The following SV2C variants were observed in gnomAD, a reference collection of about 807,000 sequenced individuals.
SV2C encodes synaptic vesicle glycoprotein 2C.
A neutral mutation model predicts 79.7 loss-of-function variants in SV2C; 49 were observed. The observed-to-expected ratio is 0.61, with a 90% CI of 0.49 to 0.78. SV2C has a LOEUF of 0.78. SV2C is among the 30% of genes least tolerant of loss of function. The pLI, the probability that SV2C is intolerant of heterozygous loss-of-function variation, is 0.00. For missense variants in SV2C, 833 were observed against 912.9 expected (o/e 0.91, Z 1.13); for synonymous variants, 334 against 333.2 (o/e 1.00, Z -0.03).
chr5:76,104,796 A>G (rs558785489), intron 1 of SV2C, among the ~76,000 whole-genome samples: 4 of 152,264 alleles, frequency 2.6e-5, no homozygotes, highest in African/African-American at 9.6e-5. Flanking sequence ...TGGAGGAGGA[A>G]GAAGGGACCT....
the SV2C span, among the ~76,000 whole-genome samples, chr5:75,969,906 T>A: frequency 1.3e-5 from 2 of 152,098 alleles, no homozygotes; most frequent in African/African-American, 4.8e-5. Flanking sequence ...ATTCCAAAAT[T>A]GACCACATAG....
At chr5:76,269,484 A>T (rs776394151) in intron 4 of SV2C, among the ~76,000 whole-genome samples, 3 of 152,182 alleles carry the variant, frequency 2.0e-5, no homozygotes, top group Non-Finnish European at 4.4e-5. Flanking sequence ...ACGAAACAGG[A>T]TGCGTGTGAG....
At chr5:75,868,877 G>C in the SV2C span, among the ~76,000 whole-genome samples, 1 of 152,118 alleles carries the variant, frequency 6.6e-6, no homozygotes, top group Non-Finnish European at 1.5e-5. Flanking sequence ...GCTTTCCCTG[G>C]TTCCCTGACA....
chr5:75,933,748 T>G, the SV2C span, among the ~76,000 whole-genome samples: 2 of 152,226 alleles, frequency 1.3e-5, no homozygotes, highest in Non-Finnish European at 2.9e-5. Context: ...TAATTACCCC[T>G]TTCTTCTATA....
At chr5:75,911,050 T>C in the SV2C span, 1 of 1,177,436 alleles carries the variant, frequency 8.5e-7, no homozygotes, top group Non-Finnish European at 1.3e-6. Flanking sequence ...AGAGTGAATC[T>C]GTCGCAACAA....
At chr5:76,014,802 T>C in the SV2C span, among the ~76,000 whole-genome samples, 2 of 152,230 alleles carry the variant, frequency 1.3e-5, no homozygotes, top group African/African-American at 4.8e-5. Flanking sequence ...TCCAAAGTCA[T>C]TGATTATTTC....
At chr5:75,907,014 C>T in the SV2C span, among the ~76,000 whole-genome samples, 1 of 152,214 alleles carries the variant, frequency 6.6e-6, no homozygotes, top group African/African-American at 2.4e-5. Context: ...GAACATCTCT[C>T]CTGAAAGTGC....
intron 12 of SV2C, among the ~76,000 whole-genome samples, chr5:76,311,833 G>T (rs1366612430): frequency 1.3e-5 from 2 of 152,134 alleles, no homozygotes; most frequent in Admixed American, 1.3e-4. Flanking sequence ...CCTGCCACCA[G>T]CAAAATTACT....
chr5:75,959,457 G>A, the SV2C span, among the ~76,000 whole-genome samples: 1 of 151,914 alleles, frequency 6.6e-6, no homozygotes, highest in East Asian at 1.9e-4. Flanking sequence ...TGCAGTTCTT[G>A]TCTCTCTTTA....
In SV2C at chr5:76,321,914, A is replaced by G. The variant is rs17651781; in HGVS notation, c.2001-3450A>G. ...GGAACAAGATCTTCCTAGGCCCACA[A>G]TTGATTCTCTTCTGTCATATTTTCT... On this transcript the variant is annotated intron_variant, in intron 12 of 12. Coordinates refer to ENST00000502798, the MANE Select transcript of SV2C (RefSeq NM_014979.4). Among the ~76,000 whole-genome samples the G allele has an allele frequency of 3.0e-3, 461 of 152,232 alleles. 1 individual carries two copies. The highest frequency in any genetic ancestry group is 8.4e-3 in the African/African-American group (349 of 41,554).
At chr5:76,287,977 C>T (rs771280921) in intron 6 of SV2C, among the ~76,000 whole-genome samples, 8 of 150,814 alleles carry the variant, frequency 5.3e-5, no homozygotes, top group African/African-American at 1.7e-4. Context: ...CCCAGCTACT[C>T]GGGAAGCTGA....
chr5:76,224,440 A>T (rs1450879830), intron 4 of SV2C, among the ~76,000 whole-genome samples: 1 of 152,154 alleles, frequency 6.6e-6, no homozygotes, highest in East Asian at 1.9e-4. Flanking sequence ...ACCTAATTAG[A>T]TCCTTTATCA....
intron 4 of SV2C, among the ~76,000 whole-genome samples, chr5:76,272,641 G>T (rs779175542): frequency 1.3e-5 from 2 of 152,020 alleles, no homozygotes; most frequent in Admixed American, 1.3e-4. Context: ...AAAGTATTTC[G>T]TTTCTTGCCT....
intron 12 of SV2C, among the ~76,000 whole-genome samples, chr5:76,352,921 CTTTT>C (rs1378935757): frequency 2.7e-5 from 4 of 146,946 alleles, no homozygotes; most frequent in Admixed American, 2.0e-4. Flanking sequence ...TATTGAAATT[CTTTT>C]TTTTATTTTT....
At chr5:76,203,548 A>G (rs1339714445) in intron 3 of SV2C, among the ~76,000 whole-genome samples, 1 of 152,104 alleles carries the variant, frequency 6.6e-6, no homozygotes, top group East Asian at 1.9e-4. Flanking sequence ...GTCTTGATCC[A>G]TGACTACCCC....
intron 4 of SV2C, among the ~76,000 whole-genome samples, chr5:76,280,708 G>A (rs1405013361): frequency 6.6e-6 from 1 of 152,206 alleles, no homozygotes; most frequent in Non-Finnish European, 1.5e-5. Context: ...CTGGGAGGCA[G>A]GCGTCAGGGG....
chr5:76,298,988 A>G, intron 10 of SV2C, 61 bp downstream of exon 10: 1 of 1,568,638 alleles, frequency 6.4e-7, no homozygotes, highest in South Asian at 1.2e-5. Context: ...CACTGTGATA[A>G]CCATGTGATA....
chr5:75,857,674 G>A, the SV2C span, among the ~76,000 whole-genome samples: 7 of 152,144 alleles, frequency 4.6e-5, no homozygotes, highest in Middle Eastern at 3.4e-3. Flanking sequence ...GGGATTGCAC[G>A]GAGTCTGTAG....
In SV2C at chr5:76,328,978, C is replaced by G. The variant is rs1749093911; in HGVS notation, c.*3431C>G. 6.6e-6 allele frequency: 1 copy of G among 152,072 alleles called. No homozygotes were observed. The highest frequency in any genetic ancestry group is 2.4e-5 in the African/African-American group (1 of 41,382). 9.4% of individuals were successfully genotyped at this position (152,072 alleles called of 1,614,324 possible). On this transcript the variant is annotated 3_prime_UTR_variant, in exon 13 of 13. Transcript: ENST00000502798. ...GTGGGGTTTCACCGTGTTGGTCAGG[C>G]TGGTCTCGAACTCCTGACCTCAAGT...
Sources: gnomAD v4.1 joint callset for allele counts (sites outside exome capture counted in the v4.1 genomes callset) on GRCh38, gnomAD v4.1.1 for gene constraint, MANE v1.5 for transcripts, NCBI Gene and HGNC (gene_info 2026-07-23, HGNC 2026-07-21) for gene names.